TERT: variants seen among roughly 807,000 people sequenced by gnomAD.
TERT encodes telomerase catalytic subunit.
In TERT, 42 loss-of-function variants were observed where a neutral mutation model predicts 104.0. The observed-to-expected ratio is 0.40, with a 90% CI of 0.32 to 0.52. TERT has a LOEUF of 0.52. Among genes scored for constraint, TERT ranks in the 20% least tolerant of loss-of-function variants. The probability of loss-of-function intolerance (pLI) is 0.43; values close to 1 mark genes in which losing one functional copy is unlikely to be tolerated. For missense variants in TERT, 1,101 were observed against 1,610.3 expected (o/e 0.68, Z 5.41); for synonymous variants, 781 against 725.6 (o/e 1.08, Z -1.23).
At chr5:1,275,779 AC>A (rs1431184650) in intron 6 of TERT, among the ~76,000 whole-genome samples, 1 of 130,332 alleles carries the variant, frequency 7.7e-6, no homozygotes, top group African/African-American at 3.0e-5. Flanking sequence ...ATCTCCACCT[AC>A]CCCACACATG....
intron 7 of TERT, among the ~76,000 whole-genome samples, 157 bp from the exon 8 acceptor site, chr5:1,271,361 G>A (rs1241296907): frequency 2.0e-5 from 3 of 152,234 alleles, no homozygotes; most frequent in East Asian, 1.9e-4. Context: ...TGGCCGGGCC[G>A]AGTCTCTGCA....
intron 2 of TERT, 141 bp from the exon 3 acceptor site, chr5:1,282,765 C>A: frequency 1.2e-6 from 1 of 811,716 alleles, no homozygotes; most frequent in Non-Finnish European, 2.0e-6. Flanking sequence ...CCGGACACGG[C>A]ACATCCAGCC....
intron 2 of TERT, among the ~76,000 whole-genome samples, chr5:1,291,583 T>G (rs71575556): frequency 4.5e-3 from 138 of 30,804 alleles, no homozygotes; most frequent in African/African-American, 0.016. Context: ...ACCCTGCACG[T>G]GACAGGGACA....
rs370737787 is a variant in TERT, at chr5:1,270,919, C to T, written c.2468+200G>A. Among the ~76,000 whole-genome samples the T allele has an allele frequency of 1.3e-4, 20 of 152,360 alleles. 1 individual carries two copies. Among genetic ancestry groups the T allele is most frequent in the African/African-American group, 3.8e-4 (16 of 41,588 alleles). ...GCCTCGTGTGGCACCTGCTCCGCTCCGGCTGCCGCAAGCCGAGCCATGTTT... is the reference window on the plus strand; with the variant it reads ...GCCTCGTGTGGCACCTGCTCCGCTCTGGCTGCCGCAAGCCGAGCCATGTTT... On this transcript the variant is annotated intron_variant, in intron 8 of 15. Coordinates refer to ENST00000310581, the MANE Select transcript of TERT (RefSeq NM_198253.3). This position sits in a 1 kb window ranked among gnomAD's most constrained non-coding sequence, Gnocchi z 8.3.
chr5:1,267,228 GA>G (rs1554039588), intron 9 of TERT, among the ~76,000 whole-genome samples: 2 of 152,220 alleles, frequency 1.3e-5, no homozygotes, highest in Non-Finnish European at 1.5e-5. Context: ...AGATGCACAG[GA>G]AAAACCCGGA....
chr5:1,274,015 A>G lies in TERT; in HGVS notation c.2287-1735T>C, dbSNP rs1340938740. Among the ~76,000 whole-genome samples, 1 of 152,194 alleles carries G rather than the reference A, an allele frequency of 6.6e-6. No individual in the cohort carries two copies. Among genetic ancestry groups the G allele is most frequent in the East Asian group, 1.9e-4 (1 of 5,200 alleles). Reference sequence around the variant, plus strand: ...TGCAGACTCCCCCAGGACGCTTGTCATTTACTACGGGACCTGCTAAGCCCC... The same window carrying G: ...TGCAGACTCCCCCAGGACGCTTGTCGTTTACTACGGGACCTGCTAAGCCCC... On this transcript the variant is annotated intron_variant, in intron 6 of 15. Transcript: ENST00000310581. This position sits in a 1 kb window ranked among gnomAD's most constrained non-coding sequence, Gnocchi z 5.3.
At chr5:1,280,466 G>GCCATGCCCGGGGCCACGTCCAC in intron 3 of TERT, 128 bp from the exon 4 acceptor site, 1 of 1,064,068 alleles carries the variant, frequency 9.4e-7, no homozygotes, top group African/African-American at 1.6e-5. Context: ...CACGCTGAAG[G>GCCATGCCCGGGGCCACGTCCAC]CCATGCCCGG....
chr5:1,270,555 T>A lies in TERT; in HGVS notation c.2468+564A>T, dbSNP rs1748949334. Among the ~76,000 whole-genome samples the A allele has an allele frequency of 6.6e-6, 1 of 151,698 alleles. No individual in the cohort carries two copies. The highest frequency in any genetic ancestry group is 2.1e-4 in the South Asian group (1 of 4,792). On this transcript the variant is annotated intron_variant, in intron 8 of 15. Transcript: ENST00000310581. The surrounding 1 kb of genome is among the most constrained non-coding windows in gnomAD (Gnocchi z 8.3). The stretch of plus-strand genomic sequence containing the variant: ...CACCCAGTGGCTGTGTGACGGCAGC[T>A]CTCCCAGGCCGCCTGCCCCATGGCC...
rs751029411 is a variant in TERT at position 1,294,289 on chromosome 5, G to A, written c.597C>T (p.Cys199=). 7.7e-5 allele frequency: 122 copies of A among 1,594,168 alleles called. 2 individuals carry two copies. The South Asian group carries it at 1.1e-3, about 14-fold the overall frequency. The change falls in exon 2 of 16, where the codon TGC becomes TGT. Residue 199 remains cysteine (C), a synonymous_variant. Coordinates refer to ENST00000310581, the MANE Select transcript of TERT (RefSeq NM_198253.3). ...TGACGCTATGGTTCCAGGCCCGTTC[G>A]CATCCCAGACGCCTTCGGGGTCCAC... ...HASGPRRRLG[C]ERAWNHSVRE...
rs1056421941 is a variant in TERT, at chr5:1,268,139, G to A, written c.2582+381C>T. ...GCCCAGTCCAGGCCACCTGTCGAGG[G>A]CCTGCTGGGAGATGTGGGGCCTCAG... is the stretch of plus-strand genomic sequence containing the variant. On this transcript the variant is annotated intron_variant, in intron 9 of 15. Transcript: ENST00000310581. This position sits in a 1 kb window ranked among gnomAD's most constrained non-coding sequence, Gnocchi z 5.5. Among the ~76,000 whole-genome samples, 1 of 152,266 alleles carries A rather than the reference G, an allele frequency of 6.6e-6. No individual in the cohort carries two copies. Among genetic ancestry groups the A allele is most frequent in the Admixed American group, 6.5e-5 (1 of 15,292 alleles).
rs1446549562 is a variant in TERT at position 1,291,354 on chromosome 5, G to A, written c.1573+1959C>T. On this transcript the variant is annotated intron_variant, in intron 2 of 15. Coordinates refer to ENST00000310581, the MANE Select transcript of TERT (RefSeq NM_198253.3). ...CGTGACAGGGACACCCGGGGACCGC[G>A]CCTCACTCACCCTGCACGTGACAGG... Among the ~76,000 whole-genome samples, 96 of 90,042 alleles carry A rather than the reference G, an allele frequency of 1.1e-3. 1 individual carries two copies. The highest frequency in any genetic ancestry group is 3.3e-3 in the Admixed American group (30 of 9,218). 59.1% of individuals were successfully genotyped at this position (90,042 alleles called of 152,430 possible). A position where few individuals can be genotyped will look rare whatever the true frequency, so the allele number is the denominator to read the frequency against.
chr5:1,275,514 C>T (rs1334952192), intron 6 of TERT, among the ~76,000 whole-genome samples: 4 of 152,064 alleles, frequency 2.6e-5, no homozygotes, highest in Admixed American at 2.6e-4. Context: ...CCACCGGCCA[C>T]ACACCACAGC....
At chr5:1,289,331 G>A (rs992651348) in intron 2 of TERT, among the ~76,000 whole-genome samples, 7 of 146,314 alleles carry the variant, frequency 4.8e-5, no homozygotes, top group Non-Finnish European at 1.1e-4. Flanking sequence ...GAGACACCCG[G>A]GGACAGTGCC....
chr5:1,294,404 A>C lies in TERT; in HGVS notation c.482T>G (p.Leu161Arg). 1 of 1,587,346 alleles carries C rather than the reference A, an allele frequency of 6.3e-7. No homozygotes were observed. Among genetic ancestry groups the C allele is most frequent in the Non-Finnish European group, 8.5e-7 (1 of 1,174,768 alleles). ...HLLARCALFV[L>R]VAPSCAYQVC... ...CTGGTAGGCGCAGCTGGGAGCCACC[A>C]GCACAAAGAGCGCGCAGCGTGCCAG... Residue 161 changes from leucine (L) to arginine (R), a missense_variant, in exon 2 of 16, where the codon CTG becomes CGG. Transcript: ENST00000310581.
chr5:1,287,708 C>A lies in TERT; in HGVS notation c.1574-5084G>T, dbSNP rs1219505394. Among the ~76,000 whole-genome samples the A allele has an allele frequency of 5.9e-5, 9 of 152,022 alleles. No homozygotes were observed. Among genetic ancestry groups the A allele is most frequent in the African/African-American group, 2.2e-4 (9 of 41,386 alleles). On this transcript the variant is annotated intron_variant, in intron 2 of 15. Coordinates refer to ENST00000310581, the MANE Select transcript of TERT (RefSeq NM_198253.3). This position sits in a 1 kb window ranked among gnomAD's most constrained non-coding sequence, Gnocchi z 4.3. ...CGTGCATGCACCTAACAATGCCTCA[C>A]ATAAATGCTACCAAACGAGAAGAAA...
rs764118817 is a variant in TERT at position 1,293,446 on chromosome 5, G to A, written c.1440C>T (p.Ser480=). 2 of 1,611,340 alleles carry A rather than the reference G, an allele frequency of 1.2e-6. No individual in the cohort carries two copies. Among genetic ancestry groups the A allele is most frequent in the Non-Finnish European group, 1.7e-6 (2 of 1,179,354 alleles). Residue 480 remains serine, a synonymous_variant, in exon 2 of 16, where the codon TCC becomes TCT. Transcript: ENST00000310581. ...TGAGGAAGCGGCGTTCGTTGTGCCT[G>A]GAGCCCCAGAGGCCTGGGGGCACCA... ...RRLVPPGLWG[S]RHNERRFLRN...
chr5:1,286,042 G>C lies in TERT; in HGVS notation c.1574-3418C>G, dbSNP rs933175785. On this transcript the variant is annotated intron_variant, in intron 2 of 15. Coordinates refer to ENST00000310581, the MANE Select transcript of TERT (RefSeq NM_198253.3). The surrounding 1 kb of genome is among the most constrained non-coding windows in gnomAD (Gnocchi z 5.3). Reference sequence around the variant, plus strand: ...CGCAGGTTTGCGCGATTTCAAACTCGACACCGCGGAGCCACCAGACCCCGA... The same window carrying C: ...CGCAGGTTTGCGCGATTTCAAACTCCACACCGCGGAGCCACCAGACCCCGA... Among the ~76,000 whole-genome samples, 2 of 152,054 alleles carry C rather than the reference G, an allele frequency of 1.3e-5. No homozygotes were observed. Among genetic ancestry groups the C allele is most frequent in the African/African-American group, 2.4e-5 (1 of 41,400 alleles).
chr5:1,284,781 C>A (rs1448935303), intron 2 of TERT, among the ~76,000 whole-genome samples: 3 of 126,068 alleles, frequency 2.4e-5, no homozygotes, highest in Admixed American at 8.3e-5. Context: ...TCCGGACACC[C>A]CACATCCAAC....
chr5:1,258,748 A>G (rs1330457243), intron 12 of TERT, 89 bp from the exon 13 acceptor site: 38 of 1,090,436 alleles, frequency 3.5e-5, no homozygotes, highest in Non-Finnish European at 4.2e-5. Flanking sequence ...ATTCAGATGG[A>G]ACAAGAAAGA....
Sources: allele counts gnomAD v4.1 joint callset (sites outside exome capture counted in the v4.1 genomes callset), GRCh38; gene constraint gnomAD v4.1.1; non-coding constraint Gnocchi (gnomAD v3.1); transcripts MANE v1.5; gene names NCBI Gene and HGNC (gene_info 2026-07-23, HGNC 2026-07-21).